Variants in UQCC1 observed in about 807,000 individuals in gnomAD.
UQCC1 encodes the protein ubiquinol-cytochrome c reductase complex assembly factor 1.
Under a neutral mutation model 48.0 loss-of-function variants are expected in UQCC1, and 38 were observed. The observed-to-expected ratio is 0.79, with a 90% CI of 0.61 to 1.04. UQCC1 has a LOEUF of 1.04. UQCC1 is among the 50% of genes least tolerant of loss of function. The probability of loss-of-function intolerance (pLI) is 0.00; values close to 1 mark genes in which losing one functional copy is unlikely to be tolerated. For missense variants in UQCC1, 368 were observed against 381.8 expected, an observed-to-expected ratio of 0.96 and a Z score of 0.30; for synonymous variants, 111 against 129.2, an observed-to-expected ratio of 0.86 and a Z score of 0.95.
At chr20:35,387,943 T>G (rs2061965274) in intron 2 of UQCC1, among the ~76,000 whole-genome samples, 2 of 152,128 alleles carry the variant, frequency 1.3e-5, no homozygotes, top group Non-Finnish European at 2.9e-5. Context: ...GCTTGGTGTT[T>G]TACTTATGTT....
Position 35,303,954 on chromosome 20 carries a change from TAAGTCGGA to T in UQCC1, c.873_880del (p.Pro292GlnfsTer38). The T allele has an allele frequency of 1.9e-6, 3 of 1,614,196 alleles. No individual in the cohort carries two copies. The highest frequency in any genetic ancestry group is 2.5e-6 in the Non-Finnish European group (3 of 1,180,020). Reference sequence around the variant, plus strand: ...AGCCCATCAAAGTCCCTCGTCGTTGTAAGTCGGAGAATGGGGCTTCAGGATGCTCTGAG... The same window carrying T: ...AGCCCATCAAAGTCCCTCGTCGTTGTGAATGGGGCTTCAGGATGCTCTGAG... On this transcript the variant is annotated frameshift_variant, in exon 10 of 10. Coordinates refer to ENST00000374385, the MANE Select transcript of UQCC1 (RefSeq NM_018244.5). LOFTEE classifies it high-confidence loss of function.
At chr20:35,405,817 G>A (rs1163013776) in intron 1 of UQCC1, among the ~76,000 whole-genome samples, 2 of 152,216 alleles carry the variant, frequency 1.3e-5, no homozygotes, top group African/African-American at 2.4e-5. Context: ...GAACCCGGGA[G>A]GTGGAGGTTG....
chr20:35,387,080 C>T (rs1163768439), intron 2 of UQCC1, among the ~76,000 whole-genome samples: 1 of 151,800 alleles, frequency 6.6e-6, no homozygotes, highest in Non-Finnish European at 1.5e-5. Flanking sequence ...AGTTAGAGAC[C>T]AGCCTGGGCA....
At chr20:35,316,591 T>C (rs1002202251) in intron 7 of UQCC1, among the ~76,000 whole-genome samples, 2 of 152,214 alleles carry the variant, frequency 1.3e-5, no homozygotes, top group African/African-American at 4.8e-5. Context: ...CAAGTGATAG[T>C]TTTGCTATGT....
At chr20:35,396,186 T>C (rs971750409) in intron 1 of UQCC1, among the ~76,000 whole-genome samples, 2 of 151,634 alleles carry the variant, frequency 1.3e-5, no homozygotes, top group African/African-American at 2.4e-5. Flanking sequence ...GGTTTCACCA[T>C]GTTGACCAGG....
intron 1 of UQCC1, among the ~76,000 whole-genome samples, chr20:35,411,342 C>T (rs2062360476): frequency 6.6e-6 from 1 of 152,170 alleles, no homozygotes; most frequent in African/African-American, 2.4e-5. Context: ...CATTTAACAC[C>T]TATGATGTGC....
At chr20:35,310,561 C>T (rs1163215651) in intron 8 of UQCC1, among the ~76,000 whole-genome samples, 2 of 143,590 alleles carry the variant, frequency 1.4e-5, no homozygotes, top group Non-Finnish European at 3.0e-5. Flanking sequence ...CAGGAGAATC[C>T]CTTAAACCCG....
intron 8 of UQCC1, among the ~76,000 whole-genome samples, chr20:35,313,809 G>A (rs369869591): frequency 2.6e-5 from 4 of 151,792 alleles, no homozygotes; most frequent in African/African-American, 9.7e-5. Flanking sequence ...TAGTAGAGAC[G>A]GGGTTTCAGG....
chr20:35,305,918 C>T (rs549958633), intron 9 of UQCC1, among the ~76,000 whole-genome samples: 1 of 152,304 alleles, frequency 6.6e-6, no homozygotes, highest in East Asian at 1.9e-4. Flanking sequence ...GCTTGGGGCC[C>T]TAGGGCAGCT....
intron 4 of UQCC1, among the ~76,000 whole-genome samples, chr20:35,377,847 T>C (rs2061820188): frequency 2.0e-5 from 3 of 152,320 alleles, no homozygotes; most frequent in East Asian, 1.9e-4. Flanking sequence ...TCACAAACAA[T>C]GAAGACTTCA....
intron 7 of UQCC1, among the ~76,000 whole-genome samples, chr20:35,317,523 C>T (rs2145082): frequency 0.35 from 53,243 of 152,072 alleles, 9,697 homozygotes; most frequent in African/African-American, 0.42. Flanking sequence ...TCCCACACAC[C>T]TTCAACCAGG....
intron 6 of UQCC1, among the ~76,000 whole-genome samples, chr20:35,363,061 C>G (rs1547913): frequency 0.75 from 110,796 of 147,974 alleles, 41,596 homozygotes; most frequent in East Asian, 0.89. Context: ...AAGAAAGAAA[C>G]AAAAGAAAAT....
intron 9 of UQCC1, among the ~76,000 whole-genome samples, chr20:35,305,132 C>T (rs925866171): frequency 5.9e-5 from 9 of 152,268 alleles, no homozygotes; most frequent in African/African-American, 2.2e-4. Flanking sequence ...TGGCTTACTC[C>T]AGGGTTAGCC....
chr20:35,382,800 G>A (rs1024654585), intron 3 of UQCC1, among the ~76,000 whole-genome samples: 1 of 151,912 alleles, frequency 6.6e-6, no homozygotes, highest in Non-Finnish European at 1.5e-5. Flanking sequence ...GTGAGCCACC[G>A]CGCCCGGCCT....
At chr20:35,310,666 A>AAAT (rs1568646783) in intron 8 of UQCC1, among the ~76,000 whole-genome samples, 24 of 148,436 alleles carry the variant, frequency 1.6e-4, no homozygotes, top group Non-Finnish European at 3.3e-4. Flanking sequence ...AAAAAAAAAA[A>AAAT]AATTGGGAAG....
intron 2 of UQCC1, among the ~76,000 whole-genome samples, chr20:35,385,622 C>T (rs2061932654): frequency 1.3e-5 from 2 of 152,180 alleles, no homozygotes; most frequent in African/African-American, 4.8e-5. Flanking sequence ...CTGCCTCAGC[C>T]TCCTGAGTTG....
At chr20:35,381,185 T>C (rs1172302614) in intron 4 of UQCC1, among the ~76,000 whole-genome samples, 2 of 152,206 alleles carry the variant, frequency 1.3e-5, no homozygotes, top group African/African-American at 4.8e-5. Flanking sequence ...GGGAGTGACA[T>C]GGTTAACAAA....
chr20:35,406,146 C>G (rs924494425), intron 1 of UQCC1, among the ~76,000 whole-genome samples: 3 of 151,970 alleles, frequency 2.0e-5, no homozygotes, highest in African/African-American at 4.8e-5. Flanking sequence ...TCAAACACAC[C>G]AATATATGTA....
chr20:35,327,482 A>T (rs903307723), intron 7 of UQCC1, among the ~76,000 whole-genome samples: 3 of 152,236 alleles, frequency 2.0e-5, no homozygotes, highest in African/African-American at 7.2e-5. Flanking sequence ...TAAATGGTCA[A>T]GAGGTTCACA....
Sources: allele counts gnomAD v4.1 joint callset (sites outside exome capture counted in the v4.1 genomes callset), GRCh38; gene constraint gnomAD v4.1.1; transcripts MANE v1.5; gene names NCBI Gene and HGNC (gene_info 2026-07-23, HGNC 2026-07-21).